The following PCDH9 variants were observed in gnomAD, a reference collection of about 807,000 sequenced individuals.
PCDH9 encodes the protein protocadherin-9.
PCDH9 carries 24 observed loss-of-function variants against 70.6 expected under a neutral mutation model. That is an observed-to-expected ratio of 0.34 (90% confidence interval 0.25 to 0.48). The LOEUF is 0.48. PCDH9 is among the 20% of genes least tolerant of loss of function. The pLI is 0.99. For missense variants in PCDH9, 1,281 were observed against 1,503.6 expected, an observed-to-expected ratio of 0.85 and a Z score of 2.45; for synonymous variants, 562 against 558.5, an observed-to-expected ratio of 1.01 and a Z score of -0.09.
At position 66,664,251 on chromosome 13, in the gene PCDH9, A is replaced by G. The variant is rs539440764; in HGVS notation, c.3139-32840T>C. Among the ~76,000 whole-genome samples, 13 of 152,330 alleles carry G rather than the reference A, an allele frequency of 8.5e-5. No individual in the cohort carries two copies. In the East Asian group the frequency reaches 2.1e-3, roughly 25 times the overall value. On this transcript the variant is annotated intron_variant, in intron 3 of 4. Coordinates refer to ENST00000377865, the MANE Select transcript of PCDH9 (RefSeq NM_203487.3). ...TGCTATTTACAGTCTAAATAATTTT[A>G]TCTGTCTTGGATATGCACAAATAAG...
At chr13:67,028,747 C>T (rs2084844212) in intron 2 of PCDH9, among the ~76,000 whole-genome samples, 1 of 151,796 alleles carries the variant, frequency 6.6e-6, no homozygotes. Flanking sequence ...TTCTTCTCAC[C>T]TCGAAAATGT....
chr13:66,740,141 T>A (rs933481106), intron 3 of PCDH9, among the ~76,000 whole-genome samples: 9 of 144,716 alleles, frequency 6.2e-5, no homozygotes, highest in African/African-American at 2.3e-4. Context: ...ACAAACTATC[T>A]CTCAGACCAC....
rs560553270 is a variant in PCDH9 at position 66,455,936 on chromosome 13, C to T, written c.3341-150908G>A. 1.6e-4 allele frequency among the ~76,000 whole-genome samples: 24 copies of T among 152,144 alleles called. 1 individual carries two copies. Among genetic ancestry groups the T allele is most frequent in the East Asian group, 1.9e-4 (1 of 5,160 alleles). ...TCATAGCCTACAGCCCATGTTGAAACGTCAGAAGAATCTGCACTGGCTATG... is the reference window on the plus strand; with the variant it reads ...TCATAGCCTACAGCCCATGTTGAAATGTCAGAAGAATCTGCACTGGCTATG... On this transcript the variant is annotated intron_variant, in intron 4 of 4. Coordinates refer to ENST00000377865, the MANE Select transcript of PCDH9 (RefSeq NM_203487.3).
rs954194231 is a variant in PCDH9, at chr13:66,883,228, G to T, written c.3138+20276C>A. 5.3e-5 allele frequency among the ~76,000 whole-genome samples: 8 copies of T among 152,264 alleles called. No individual in the cohort carries two copies. The South Asian group carries it at 1.7e-3, about 32-fold the overall frequency. ...TACGAATGTTCAATTATTTCTAGAG[G>T]TGAAAATAATAATTTAACTCCTTTT... is the stretch of plus-strand genomic sequence containing the variant. On this transcript the variant is annotated intron_variant, in intron 3 of 4. Coordinates refer to ENST00000377865, the MANE Select transcript of PCDH9 (RefSeq NM_203487.3).
chr13:66,631,330 C>G lies in PCDH9; in HGVS notation c.3220G>C (p.Val1074Leu). ...TGTGAGATCAGGGTTCCACTACCCA[C>G]CGGCTCATGGTCTCCTAGACCACTG... ...SDSGLGDHEPVGSGTLISHPL... is the reference protein window; with the variant it reads ...SDSGLGDHEPLGSGTLISHPL... Residue 1074 changes from valine to leucine, a missense_variant, in exon 4 of 5, where the codon GTG (valine) becomes CTG (leucine). This residue lies in a region of PCDH9 where 264 missense variants were observed against 278.8 expected (regional missense o/e 0.95). Transcript: ENST00000377865. 6.2e-7 allele frequency: 1 copy of G among 1,607,988 alleles called. No individual in the cohort carries two copies. The highest frequency in any genetic ancestry group is 8.5e-7 in the Non-Finnish European group (1 of 1,174,500).
chr13:66,926,789 G>A (rs894542171), intron 2 of PCDH9, among the ~76,000 whole-genome samples: 1 of 151,986 alleles, frequency 6.6e-6, no homozygotes, highest in South Asian at 2.1e-4. Context: ...TTTGTGTTAA[G>A]TGCTTGCTGG....
At chr13:66,658,437 T>A (rs1363946294) in intron 3 of PCDH9, among the ~76,000 whole-genome samples, 1 of 152,124 alleles carries the variant, frequency 6.6e-6, no homozygotes, top group Non-Finnish European at 1.5e-5. Context: ...TTAGTCATGA[T>A]CATTTATTGG....
intron 4 of PCDH9, among the ~76,000 whole-genome samples, chr13:66,599,564 T>G (rs1012523862): frequency 7.3e-5 from 11 of 149,806 alleles, no homozygotes; most frequent in African/African-American, 2.7e-4. Flanking sequence ...TTTTTTTTTT[T>G]GAGAGAGGGT....
intron 3 of PCDH9, among the ~76,000 whole-genome samples, chr13:66,642,369 G>A (rs1050435122): frequency 6.6e-6 from 1 of 151,880 alleles, no homozygotes; most frequent in South Asian, 2.1e-4. Context: ...GCCTGACCAG[G>A]TAACAAAAAA....
intron 3 of PCDH9, among the ~76,000 whole-genome samples, chr13:66,723,411 A>ATT (rs1487719754): frequency 6.6e-6 from 1 of 152,242 alleles, no homozygotes; most frequent in African/African-American, 2.4e-5. Context: ...AGGGCATAGC[A>ATT]TTACATTTTA....
chr13:66,619,175 C>T (rs2077393367), intron 4 of PCDH9, among the ~76,000 whole-genome samples: 1 of 152,022 alleles, frequency 6.6e-6, no homozygotes, highest in Non-Finnish European at 1.5e-5. Flanking sequence ...GTGGTACCCC[C>T]TTTTAAAATA....
At chr13:66,770,293 C>T (rs1215949853) in intron 3 of PCDH9, among the ~76,000 whole-genome samples, 2 of 152,128 alleles carry the variant, frequency 1.3e-5, no homozygotes, top group African/African-American at 4.8e-5. Context: ...GCACCTAAAT[C>T]TCATAAATTA....
intron 3 of PCDH9, among the ~76,000 whole-genome samples, chr13:66,788,507 G>T (rs995136654): frequency 1.2e-4 from 18 of 151,942 alleles, no homozygotes; most frequent in Non-Finnish European, 7.4e-5. Flanking sequence ...GGCATTTATC[G>T]TGACGTCCAG....
intron 3 of PCDH9, among the ~76,000 whole-genome samples, chr13:66,902,923 G>C (rs1251918162): frequency 6.6e-6 from 1 of 151,374 alleles, no homozygotes; most frequent in Non-Finnish European, 1.5e-5. Context: ...GAACAACTAT[G>C]GATCTTCTAC....
At chr13:67,083,916 C>T (rs1378229424) in intron 2 of PCDH9, among the ~76,000 whole-genome samples, 1 of 152,082 alleles carries the variant, frequency 6.6e-6, no homozygotes, top group Non-Finnish European at 1.5e-5. Flanking sequence ...AAATGTAGGA[C>T]ACGGATTAAA....
At chr13:67,061,916 A>G (rs995611324) in intron 2 of PCDH9, among the ~76,000 whole-genome samples, 1 of 152,182 alleles carries the variant, frequency 6.6e-6, no homozygotes, top group African/African-American at 2.4e-5. Context: ...CCTGCCAAGG[A>G]GTGCCTGAAA....
chr13:66,814,960 G>C (rs113583639), intron 3 of PCDH9, among the ~76,000 whole-genome samples: 664 of 152,184 alleles, frequency 4.4e-3, no homozygotes, highest in Non-Finnish European at 7.7e-3. Flanking sequence ...ACTACGAACA[G>C]AGTAGACAGA....
At chr13:66,547,541 A>T (rs1961263091) in intron 4 of PCDH9, among the ~76,000 whole-genome samples, 1 of 152,172 alleles carries the variant, frequency 6.6e-6, no homozygotes, top group Admixed American at 6.5e-5. Flanking sequence ...TGGAAAGAAC[A>T]TTCTTACATC....
chr13:66,541,441 G>A (rs1056270601), intron 4 of PCDH9, among the ~76,000 whole-genome samples: 18 of 152,014 alleles, frequency 1.2e-4, no homozygotes, highest in African/African-American at 3.9e-4. Context: ...CAATATCAAG[G>A]TGTCAGCATG....
Sources: allele counts gnomAD v4.1 joint callset (sites outside exome capture counted in the v4.1 genomes callset), GRCh38; gene constraint gnomAD v4.1.1; regional missense constraint gnomAD v4.1.1; transcripts MANE v1.5; gene names NCBI Gene and HGNC (gene_info 2026-07-23, HGNC 2026-07-21).